The following STAG3 variants were observed in gnomAD, a reference collection of about 807,000 sequenced individuals.
The protein encoded by STAG3 is STAG3 cohesin complex component, also known as cohesin subunit SA-3.
STAG3 carries 101 observed loss-of-function variants against 160.7 expected under a neutral mutation model. The observed-to-expected ratio is 0.63, with a 90% confidence interval of 0.54 to 0.74. The LOEUF (loss-of-function observed/expected upper bound fraction) is 0.74. Among genes scored for constraint, STAG3 ranks in the 30% least tolerant of loss-of-function variants. The probability of loss-of-function intolerance (pLI) is 0.00; values close to 1 mark genes in which losing one functional copy is unlikely to be tolerated. For synonymous variants in STAG3, 519 were observed against 585.0 expected, an observed-to-expected ratio of 0.89 and a Z score of 1.63; for missense variants, 1,188 against 1,517.4, an observed-to-expected ratio of 0.78 and a Z score of 3.61.
intron 32 of STAG3, 165 bp from the exon 33 acceptor site, chr7:100,213,570 G>A: frequency 2.0e-6 from 2 of 985,448 alleles, no homozygotes; most frequent in Non-Finnish European, 2.4e-6. Flanking sequence ...TCTGCAGTCA[G>A]GCCTGATCCT....
chr7:100,202,607 C>T lies in STAG3; in HGVS notation c.2700+17C>T, dbSNP rs778053345. ...TACAACAAGGTACACCAAGGCCCTA[C>T]AGAAATAAAAGAGAAGGGAGCAAGT... On this transcript the variant is annotated intron_variant, in intron 25 of 33. Transcript: ENST00000615138. 5.9e-5 allele frequency: 94 copies of T among 1,606,464 alleles called. No homozygotes were observed. The highest frequency in any genetic ancestry group is 7.8e-5 in the Non-Finnish European group (92 of 1,176,316).
intron 2 of STAG3, among the ~76,000 whole-genome samples, chr7:100,181,766 G>A (rs1405745662): frequency 6.6e-6 from 1 of 152,058 alleles, no homozygotes; most frequent in South Asian, 2.1e-4. Context: ...TGGCCAACAC[G>A]GTGAAACACC....
intron 29 of STAG3, among the ~76,000 whole-genome samples, chr7:100,206,083 C>T (rs763638846): frequency 3.3e-5 from 5 of 151,780 alleles, no homozygotes; most frequent in East Asian, 2.0e-4. Context: ...GGCGCCATCT[C>T]GGCTCACTGC....
intron 8 of STAG3, 55 bp from the exon 9 acceptor site, chr7:100,195,254 G>A (rs1800608550): frequency 6.7e-7 from 1 of 1,496,912 alleles, no homozygotes; most frequent in Non-Finnish European, 9.3e-7. Flanking sequence ...TATCTTCAGG[G>A]CCTTATGCTT....
rs1799696060 is a variant in STAG3, at chr7:100,182,294, G to A, written c.219+102G>A. ...GAATGGCGTGAACCCAGGGGGCAGA[G>A]CTTGCAGTGAGCCGAGATTGCGCCC... On this transcript the variant is annotated intron_variant, in intron 3 of 33. Transcript: ENST00000615138. 1.7e-5 allele frequency: 14 copies of A among 817,236 alleles called. No homozygotes were observed. The South Asian group carries it at 1.9e-4, about 11-fold the overall frequency. 50.6% of individuals were successfully genotyped at this position (817,236 alleles called of 1,614,324 possible). A position where few individuals can be genotyped will look rare whatever the true frequency, so the allele number is the denominator to read the frequency against.
intron 16 of STAG3, among the ~76,000 whole-genome samples, chr7:100,199,935 G>A (rs1440264138): frequency 1.3e-5 from 2 of 151,338 alleles, no homozygotes; most frequent in African/African-American, 2.4e-5. Flanking sequence ...GCGTGGTAGC[G>A]GGCACCTGTA....
intron 4 of STAG3, among the ~76,000 whole-genome samples, chr7:100,183,558 A>T (rs1799789194): frequency 6.6e-6 from 1 of 152,216 alleles, no homozygotes; most frequent in African/African-American, 2.4e-5. Flanking sequence ...GCTTATATGT[A>T]GTTTAAAAAA....
intron 5 of STAG3, among the ~76,000 whole-genome samples, chr7:100,187,422 C>T (rs547271800): frequency 6.0e-5 from 9 of 149,872 alleles, no homozygotes; most frequent in African/African-American, 2.2e-4. Context: ...AATCCTGCCT[C>T]AGGTTTATTT....
downstream of STAG3, chr7:100,215,013 C>CA (rs1432849155): frequency 2.0e-5 from 3 of 148,478 alleles, no homozygotes; most frequent in Non-Finnish European, 4.5e-5. Flanking sequence ...TCTTGAAACT[C>CA]AGACAGACTT....
intron 29 of STAG3, 112 bp downstream of exon 29, chr7:100,205,496 TTC>T: frequency 8.6e-7 from 1 of 1,164,424 alleles, no homozygotes; most frequent in Non-Finnish European, 1.2e-6. Flanking sequence ...GGGTATTAAT[TTC>T]TTTCAAGGTT....
Position 100,200,788 on chromosome 7 carries a change from A to T in STAG3, c.1880A>T (p.Gln627Leu). The T allele has an allele frequency of 6.2e-7, 1 of 1,614,176 alleles. No homozygotes were observed. Among genetic ancestry groups the T allele is most frequent in the South Asian group, 1.1e-5 (1 of 91,082 alleles). ...RLEKHLELFL[Q>L]QLQEVVVKHA... ...TCTCAGCACCTGGAGCTGTTCCTGC[A>T]GCAACTCCAGGAGGTGGTGGTGAAG... Residue 627 changes from glutamine to leucine, a missense_variant, in exon 19 of 34, where the codon CAG (glutamine) becomes CTG (leucine). By Grantham distance (113) the Gln-to-Leu change is moderately radical (BLOSUM62 -2). Around this residue, in one of 4 missense-constraint regions of STAG3, gnomAD observed 240 missense variants for 358.1 expected, o/e 0.67. Coordinates refer to ENST00000615138, the MANE Select transcript of STAG3 (RefSeq NM_001282717.2).
intron 14 of STAG3, 104 bp from the exon 15 acceptor site, chr7:100,199,158 T>A: frequency 1.1e-6 from 1 of 922,774 alleles, no homozygotes. Flanking sequence ...TGGAGAAGGA[T>A]GGGAGTGGAC....
Position 100,201,886 on chromosome 7 carries a change from G to A in STAG3, c.2301+20G>A, listed in dbSNP as rs773928699. 1.2e-5 allele frequency: 19 copies of A among 1,613,924 alleles called. No homozygotes were observed. The highest frequency in any genetic ancestry group is 2.7e-5 in the African/African-American group (2 of 74,908). On this transcript the variant is annotated intron_variant, in intron 22 of 33. Coordinates refer to ENST00000615138, the MANE Select transcript of STAG3 (RefSeq NM_001282717.2). ...TCCCAGGTGAGTGTGGGTCTTAGAT[G>A]GGATAATGGGAACAGAGGAGTCTGT... is the stretch of plus-strand genomic sequence containing the variant.
chr7:100,213,638 T>A, intron 32 of STAG3, 97 bp from the exon 33 acceptor site: 1 of 1,591,110 alleles, frequency 6.3e-7, no homozygotes, highest in Non-Finnish European at 8.5e-7. Context: ...GTGCCCATAT[T>A]TGTTCTTATG....
chr7:100,201,189 C>T, intron 20 of STAG3, 29 bp downstream of exon 20: 3 of 1,614,128 alleles, frequency 1.9e-6, no homozygotes, highest in Non-Finnish European at 2.5e-6. Flanking sequence ...CTTCCCCATC[C>T]CGTTTTTACT....
chr7:100,217,014 T>C (rs1191180802), downstream of STAG3, among the ~76,000 whole-genome samples: 2 of 152,050 alleles, frequency 1.3e-5, no homozygotes, highest in African/African-American at 4.8e-5. Context: ...GCACAAAACC[T>C]GAAGTGTGTG....
chr7:100,204,838 T>A, intron 27 of STAG3, 63 bp downstream of exon 27: 1 of 1,602,220 alleles, frequency 6.2e-7, no homozygotes, highest in South Asian at 1.1e-5. Context: ...TGGAGGGAGG[T>A]CTCGGAGGGA....
chr7:100,193,943 T>C (rs1008017410), intron 8 of STAG3, among the ~76,000 whole-genome samples: 58 of 150,100 alleles, frequency 3.9e-4, no homozygotes, highest in Non-Finnish European at 6.5e-4. Context: ...TCATTTCTTT[T>C]TTTTTTTTTT....
chr7:100,179,057 T>G (rs974831645), intron 1 of STAG3, among the ~76,000 whole-genome samples: 2 of 151,882 alleles, frequency 1.3e-5, no homozygotes, highest in Non-Finnish European at 2.9e-5. Context: ...CCAGACTGAT[T>G]TTGAACTCGT....
Sources: gnomAD v4.1 joint callset for allele counts (sites outside exome capture counted in the v4.1 genomes callset) on GRCh38, gnomAD v4.1.1 for gene constraint, gnomAD v4.1.1 regional missense constraint, MANE v1.5 for transcripts, NCBI Gene and HGNC (gene_info 2026-07-23, HGNC 2026-07-21) for gene names.